The following IL1RL1 variants were observed in gnomAD, a reference collection of about 807,000 sequenced individuals.
IL1RL1 encodes interleukin-1 receptor-like 1.
Under a neutral mutation model 50.9 loss-of-function variants are expected in IL1RL1, and 32 were observed. The observed-to-expected ratio is 0.63, with a 90% CI of 0.47 to 0.84. The LOEUF is 0.84. Among genes scored for constraint, IL1RL1 ranks in the 40% least tolerant of loss-of-function variants. IL1RL1 has a pLI of 0.00. For synonymous variants in IL1RL1, 275 were observed against 236.0 expected (o/e 1.17, Z -1.51); for missense variants, 773 against 662.9 (o/e 1.17, Z -1.82).
At chr2:102,341,187 G>C in intron 5 of IL1RL1, 1 of 1,049,314 alleles carries the variant, frequency 9.5e-7, no homozygotes, top group Non-Finnish European at 1.2e-6. Context: ...TTTTTTTCTA[G>C]TTTGGTGTCA....
chr2:102,332,725 A>G (rs1274146943), intron 1 of IL1RL1, among the ~76,000 whole-genome samples: 2 of 152,206 alleles, frequency 1.3e-5, no homozygotes, highest in Non-Finnish European at 2.9e-5. Context: ...ATGTTTTGAA[A>G]CTAGATAGAG....
At chr2:102,343,579 T>G in intron 8 of IL1RL1, 164 bp downstream of exon 8, 1 of 1,499,804 alleles carries the variant, frequency 6.7e-7, no homozygotes, top group Non-Finnish European at 8.8e-7. Context: ...CTTTGTAGAC[T>G]GTTCCTGTTT....
chr2:102,323,211 C>A lies in IL1RL1; in HGVS notation c.-150+11588C>A, dbSNP rs961940708. ...CTTGGGTAAGGGGGGAGTTATTGAG[C>A]CATACAGTAGATGTTCTTTAACTTT... On this transcript the variant is annotated intron_variant, in intron 1 of 10. Coordinates refer to ENST00000233954, the MANE Select transcript of IL1RL1 (RefSeq NM_016232.5). 2.1e-5 allele frequency among the ~76,000 whole-genome samples: 3 copies of A among 144,656 alleles called. No individual in the cohort carries two copies. In the Admixed American group the frequency reaches 2.1e-4, roughly 10 times the overall value. The allele number at this position is 144,656 out of a possible 152,430, so 94.9% of individuals were successfully genotyped here. A position where few individuals can be genotyped will look rare whatever the true frequency, so the allele number is the denominator to read the frequency against.
chr2:102,349,624 A>G (rs1209141576), intron 10 of IL1RL1, among the ~76,000 whole-genome samples: 1 of 152,216 alleles, frequency 6.6e-6, no homozygotes, highest in East Asian at 1.9e-4. Context: ...TCTGGTAGCC[A>G]TAGGCACTAG....
In IL1RL1 at chr2:102,340,243, A is replaced by C; in HGVS notation, c.418A>C (p.Asn140His). The change falls in exon 4 of 11, where the codon AAC becomes CAC. Residue 140 changes from asparagine (N) to histidine (H), a missense_variant. Physicochemically the swap from Asn to His is moderately conservative, Grantham distance 68 (BLOSUM62 1). Coordinates refer to ENST00000233954, the MANE Select transcript of IL1RL1 (RefSeq NM_016232.5). The part of the protein sequence containing the change: ...KIYCPTIDLY[N>H]WTAPLEWFKN... The stretch of plus-strand genomic sequence containing the variant: ...TTATTGTCCTACCATTGACCTCTAC[A>C]ACTGGACAGCACCTCTTGAGTGGTT... 1 of 1,602,930 alleles carries C rather than the reference A, an allele frequency of 6.2e-7. No individual in the cohort carries two copies. Among genetic ancestry groups the C allele is most frequent in the Non-Finnish European group, 8.5e-7 (1 of 1,177,518 alleles).
At chr2:102,327,291 G>C (rs563677121) in intron 1 of IL1RL1, among the ~76,000 whole-genome samples, 2 of 151,928 alleles carry the variant, frequency 1.3e-5, no homozygotes, top group African/African-American at 4.8e-5. Flanking sequence ...AAATAAAGAT[G>C]TTCTTTGAAA....
intron 5 of IL1RL1, 52 bp downstream of exon 5, chr2:102,340,880 G>T: frequency 7.1e-7 from 1 of 1,414,962 alleles, no homozygotes; most frequent in Non-Finnish European, 9.5e-7. Context: ...AAGTCGAAGT[G>T]GGAACAGCGG....
chr2:102,349,320 T>G, intron 10 of IL1RL1, 74 bp downstream of exon 10: 1 of 1,189,082 alleles, frequency 8.4e-7, no homozygotes, highest in Non-Finnish European at 1.2e-6. Flanking sequence ...GCCTTATCCC[T>G]GCATTGGATA....
At chr2:102,329,755 C>T (rs1030958806) in intron 1 of IL1RL1, among the ~76,000 whole-genome samples, 2 of 152,130 alleles carry the variant, frequency 1.3e-5, no homozygotes, top group African/African-American at 4.8e-5. Flanking sequence ...TCATCACTGG[C>T]CATCAGAGAA....
intron 1 of IL1RL1, among the ~76,000 whole-genome samples, chr2:102,314,638 T>C (rs1005382441): frequency 6.6e-6 from 1 of 152,196 alleles, no homozygotes. Context: ...ATTCTATGAT[T>C]GGAACAAAGG....
chr2:102,349,430 C>G (rs1309478617), intron 10 of IL1RL1, among the ~76,000 whole-genome samples, 184 bp downstream of exon 10: 3 of 152,246 alleles, frequency 2.0e-5, no homozygotes, highest in African/African-American at 7.2e-5. Context: ...CATCATTGTC[C>G]TGGTGATGAG....
At position 102,338,890 on chromosome 2, in the gene IL1RL1, C is replaced by A. The variant is rs747558355; in HGVS notation, c.115C>A (p.Gln39Lys). 2 of 1,613,622 alleles carry A rather than the reference C, an allele frequency of 1.2e-6. No homozygotes were observed. Among genetic ancestry groups the A allele is most frequent in the Non-Finnish European group, 1.7e-6 (2 of 1,179,740 alleles). Residue 39 changes from glutamine to lysine, a missense_variant, in exon 3 of 11, where the codon CAA becomes AAA. Transcript: ENST00000233954. The stretch of plus-strand genomic sequence containing the variant: ...GGCTTTAATTGTAAGATGTCCTAGA[C>A]AAGGAAAACCTAGTTACACCGTGGA... ...NEALIVRCPR[Q>K]GKPSYTVDWY...
intron 8 of IL1RL1, among the ~76,000 whole-genome samples, chr2:102,346,665 G>A (rs10168510): frequency 2.0e-5 from 3 of 152,084 alleles, no homozygotes; most frequent in South Asian, 4.1e-4. Context: ...ATTTACTTAC[G>A]GAGTTTTCAT....
At chr2:102,350,415 A>T (rs868126820) in intron 10 of IL1RL1, among the ~76,000 whole-genome samples, 1 of 152,268 alleles carries the variant, frequency 6.6e-6, no homozygotes, top group Non-Finnish European at 1.5e-5. Flanking sequence ...ATGTGTGACA[A>T]CATACTAATC....
intron 8 of IL1RL1, 189 bp downstream of exon 8, chr2:102,343,604 T>C (rs1004140309): frequency 8.3e-5 from 122 of 1,463,904 alleles, no homozygotes; most frequent in Middle Eastern, 2.5e-4. Context: ...GGAGCTTCTC[T>C]GCTGCTTAAA....
At chr2:102,313,963 G>T (rs187714764) in intron 1 of IL1RL1, among the ~76,000 whole-genome samples, 18 of 152,352 alleles carry the variant, frequency 1.2e-4, no homozygotes, top group African/African-American at 4.3e-4. Context: ...GAAAGAGAAA[G>T]GAAAGGGCTA....
chr2:102,349,535 C>T (rs1282369259), intron 10 of IL1RL1, among the ~76,000 whole-genome samples: 1 of 152,108 alleles, frequency 6.6e-6, no homozygotes, highest in Admixed American at 6.6e-5. Flanking sequence ...TTCCCTTGGT[C>T]CCCCACCAGG....
intron 8 of IL1RL1, chr2:102,345,974 G>T: frequency 1.0e-6 from 1 of 985,316 alleles, no homozygotes; most frequent in Non-Finnish European, 1.2e-6. Flanking sequence ...TTATCTTCGT[G>T]TTACAGGTGT....
chr2:102,323,639 T>G (rs1337589117), intron 1 of IL1RL1, among the ~76,000 whole-genome samples: 1 of 151,836 alleles, frequency 6.6e-6, no homozygotes, highest in East Asian at 1.9e-4. Flanking sequence ...CCATGGGAAG[T>G]AATAGAGTGA....
Sources: allele counts gnomAD v4.1 joint callset (sites outside exome capture counted in the v4.1 genomes callset), GRCh38; gene constraint gnomAD v4.1.1; transcripts MANE v1.5; gene names NCBI Gene and HGNC (gene_info 2026-07-23, HGNC 2026-07-21).